Variants in FCHSD2 observed in about 807,000 individuals in gnomAD.
FCHSD2 encodes the protein F-BAR and double SH3 domains protein 2.
FCHSD2 carries 38 observed loss-of-function variants against 108.1 expected under a neutral mutation model. The observed-to-expected ratio is 0.35, with a 90% CI of 0.27 to 0.46. The LOEUF is 0.46. Ranked by LOEUF, FCHSD2 falls within the 20% of genes least tolerant of loss-of-function variation. The pLI, the probability that FCHSD2 is intolerant of heterozygous loss-of-function variation, is 1.00. For missense variants in FCHSD2, 751 were observed against 897.8 expected (o/e 0.84, Z 2.09); for synonymous variants, 279 against 314.7 (o/e 0.89, Z 1.20).
chr11:73,040,894 C>T (rs188900965), intron 3 of FCHSD2, among the ~76,000 whole-genome samples: 40 of 152,272 alleles, frequency 2.6e-4, no homozygotes, highest in African/African-American at 8.7e-4. Context: ...TGCTCCCCCC[C>T]CTCTTTGGTA....
chr11:72,977,990 G>A lies in FCHSD2; in HGVS notation c.705+6098C>T, dbSNP rs923782812. 2.4e-4 allele frequency among the ~76,000 whole-genome samples: 36 copies of A among 152,206 alleles called. 1 individual carries two copies. Among genetic ancestry groups the A allele is most frequent in the African/African-American group, 8.2e-4 (34 of 41,450 alleles). The stretch of plus-strand genomic sequence containing the variant: ...GGAATACTATGCAGTCATAAAAAAG[G>A]ATGAGTTCATGTCCTTTGTAGGGAC... On this transcript the variant is annotated intron_variant, in intron 8 of 19. Transcript: ENST00000409418.
In FCHSD2 at chr11:73,093,295, C is replaced by A. The variant is rs566406976; in HGVS notation, c.120-9555G>T. Among the ~76,000 whole-genome samples, 3 of 152,308 alleles carry A rather than the reference C, an allele frequency of 2.0e-5. No homozygotes were observed. In the South Asian group the frequency reaches 6.2e-4, roughly 32 times the overall value. ...ACTCTACTCTTTAGCTATAATAAAT[C>A]ATAACCTTACTGAGTAAACTTTCAG... On this transcript the variant is annotated intron_variant, in intron 2 of 19. Transcript: ENST00000409418.
chr11:73,015,779 A>G, intron 4 of FCHSD2, 30 bp downstream of exon 4: 1 of 1,453,132 alleles, frequency 6.9e-7, no homozygotes, highest in Non-Finnish European at 9.5e-7. Flanking sequence ...AACCGTTTCT[A>G]AAGAAAATAG....
At chr11:72,987,339 T>A (rs1440169524) in intron 6 of FCHSD2, among the ~76,000 whole-genome samples, 2 of 152,200 alleles carry the variant, frequency 1.3e-5, no homozygotes, top group Non-Finnish European at 2.9e-5. Context: ...ACCTCTATAT[T>A]TTCTAGGCTT....
intron 2 of FCHSD2, among the ~76,000 whole-genome samples, chr11:73,135,584 G>T (rs1591583971): frequency 6.6e-6 from 1 of 151,876 alleles, no homozygotes; most frequent in Non-Finnish European, 1.5e-5. Context: ...AAAGCAAAGA[G>T]AAAAAAATAT....
At chr11:72,989,885 A>C (rs1857377829) in intron 5 of FCHSD2, among the ~76,000 whole-genome samples, 1 of 152,166 alleles carries the variant, frequency 6.6e-6, no homozygotes, top group Non-Finnish European at 1.5e-5. Context: ...GCACTGGTGG[A>C]GACTGGCAAA....
rs182519872 is a variant in FCHSD2, at chr11:72,923,342, G to A, written c.706-1392C>T. Among the ~76,000 whole-genome samples the A allele has an allele frequency of 5.3e-5, 8 of 152,296 alleles. No individual in the cohort carries two copies. In the East Asian group the frequency reaches 1.5e-3, roughly 29 times the overall value. On this transcript the variant is annotated intron_variant, in intron 8 of 19. Coordinates refer to ENST00000409418, the MANE Select transcript of FCHSD2 (RefSeq NM_014824.3). ...CAGGAATGGAATTGCTCGGTCATAT[G>A]ATAACTCTATGTTTAATTTTGAGGA...
intron 7 of FCHSD2, 100 bp from the exon 8 acceptor site, chr11:72,984,316 A>G (rs1014698082): frequency 9.3e-7 from 1 of 1,077,782 alleles, no homozygotes; most frequent in African/African-American, 1.6e-5. Flanking sequence ...CTCCCCAACA[A>G]GAATAAAGGT....
intron 9 of FCHSD2, 81 bp from the exon 10 acceptor site, chr11:72,902,719 G>A: frequency 1.2e-6 from 1 of 808,372 alleles, no homozygotes; most frequent in Non-Finnish European, 1.9e-6. Context: ...GATTTATTCT[G>A]CTATTTTCTA....
intron 8 of FCHSD2, among the ~76,000 whole-genome samples, chr11:72,963,424 A>G (rs1040190115): frequency 6.6e-6 from 1 of 152,184 alleles, no homozygotes; most frequent in African/African-American, 2.4e-5. Flanking sequence ...AAGGGAAATA[A>G]TTTTCCCAAG....
chr11:73,059,066 A>C (rs933961001), intron 3 of FCHSD2, among the ~76,000 whole-genome samples: 1 of 152,230 alleles, frequency 6.6e-6, no homozygotes, highest in African/African-American at 2.4e-5. Context: ...AACTGTACTC[A>C]ATTCAACAAA....
intron 3 of FCHSD2, among the ~76,000 whole-genome samples, chr11:73,038,686 G>A (rs1858558596): frequency 6.6e-6 from 1 of 152,040 alleles, no homozygotes; most frequent in African/African-American, 2.4e-5. Flanking sequence ...ATAAACACTA[G>A]GGAATCCAAG....
chr11:72,883,807 C>T lies in FCHSD2; in HGVS notation c.1146+3663G>A, dbSNP rs558232612. Among the ~76,000 whole-genome samples, 105 of 152,106 alleles carry T rather than the reference C, an allele frequency of 6.9e-4. 1 individual carries two copies. Among genetic ancestry groups the T allele is most frequent in the Non-Finnish European group, 1.5e-4 (10 of 67,998 alleles). ...ATTAGCCAGGCATGGTGGAGTGCGC[C>T]TGTATTCCCAGCTACTCGGGAGGCT... is the stretch of plus-strand genomic sequence containing the variant. On this transcript the variant is annotated intron_variant, in intron 12 of 19. Coordinates refer to ENST00000409418, the MANE Select transcript of FCHSD2 (RefSeq NM_014824.3).
At chr11:72,900,186 G>T in intron 10 of FCHSD2, 1 of 1,094,230 alleles carries the variant, frequency 9.1e-7, no homozygotes, top group Non-Finnish European at 1.4e-6. Flanking sequence ...CCCAACACCA[G>T]GTCCCACCCT....
chr11:72,900,539 G>C (rs948489184), intron 10 of FCHSD2, among the ~76,000 whole-genome samples: 5 of 152,040 alleles, frequency 3.3e-5, no homozygotes, highest in Admixed American at 3.3e-4. Context: ...CATCAAATTA[G>C]TCATAATTTT....
chr11:73,081,073 T>A (rs1018507983), intron 3 of FCHSD2, among the ~76,000 whole-genome samples: 1 of 152,228 alleles, frequency 6.6e-6, no homozygotes, highest in Non-Finnish European at 1.5e-5. Flanking sequence ...AGCAGAGGAC[T>A]CACTTTTCAT....
At chr11:72,846,851 A>G (rs1861159961) in intron 14 of FCHSD2, among the ~76,000 whole-genome samples, 1 of 152,188 alleles carries the variant, frequency 6.6e-6, no homozygotes, top group African/African-American at 2.4e-5. Flanking sequence ...CTACCTTTTA[A>G]TTTAATATTA....
At chr11:72,847,520 T>G (rs1434318278) in intron 14 of FCHSD2, among the ~76,000 whole-genome samples, 1 of 152,126 alleles carries the variant, frequency 6.6e-6, no homozygotes, top group Non-Finnish European at 1.5e-5. Context: ...CAAAGAAATA[T>G]GAAAACTAAG....
At chr11:72,895,077 T>C (rs1475383664) in intron 10 of FCHSD2, among the ~76,000 whole-genome samples, 1 of 152,176 alleles carries the variant, frequency 6.6e-6, no homozygotes, top group Admixed American at 6.5e-5. Flanking sequence ...TTAAGAGACA[T>C]AATTTAACTT....
Sources: gnomAD v4.1 joint callset for allele counts (sites outside exome capture counted in the v4.1 genomes callset) on GRCh38, gnomAD v4.1.1 for gene constraint, MANE v1.5 for transcripts, NCBI Gene and HGNC (gene_info 2026-07-23, HGNC 2026-07-21) for gene names.